Variants in IL4I1 observed in about 807,000 individuals in gnomAD.
The protein encoded by IL4I1 is L-amino-acid oxidase.
In IL4I1, 24 loss-of-function variants were observed where a neutral mutation model predicts 29.7. The observed-to-expected ratio is 0.81, with a 90% CI of 0.59 to 1.14. IL4I1 has a LOEUF of 1.14. Ranked by LOEUF, IL4I1 falls within the 50% of genes most tolerant of loss-of-function variation. The pLI, the probability that IL4I1 is intolerant of heterozygous loss-of-function variation, is 0.00. For missense variants in IL4I1, 686 were observed against 785.6 expected (o/e 0.87, Z 1.52); for synonymous variants, 371 against 352.5 (o/e 1.05, Z -0.59).
intron 2 of IL4I1, among the ~76,000 whole-genome samples, chr19:49,911,522 G>C (rs959213165): frequency 6.6e-6 from 1 of 152,138 alleles, no homozygotes; most frequent in Non-Finnish European, 1.5e-5. Flanking sequence ...CTTCCAGCTT[G>C]AGTAAGAGGC....
Position 49,889,844 on chromosome 19 carries a change from A to G in IL4I1, c.1530T>C (p.Pro510=). 1 of 1,586,042 alleles carries G rather than the reference A, an allele frequency of 6.3e-7. No homozygotes were observed. Among genetic ancestry groups the G allele is most frequent in the South Asian group, 1.1e-5 (1 of 87,966 alleles). Residue 510 remains proline (P), a synonymous_variant, in exon 8 of 8, where the codon CCT becomes CCC. Coordinates refer to ENST00000391826, the MANE Select transcript of IL4I1 (RefSeq NM_152899.2). The stretch of plus-strand genomic sequence containing the variant: ...CCTCGGGGCTGGCCGTGTCCGATGC[A>G]GGCCCCTTCCGGCTGTTGATCTTGA... ...AAIKINSRKG[P]ASDTASPEGH...
chr19:49,905,979 G>A (rs915943693), intron 2 of IL4I1, among the ~76,000 whole-genome samples: 10 of 152,104 alleles, frequency 6.6e-5, no homozygotes, highest in Admixed American at 2.6e-4. Context: ...CCCAAGTGTT[G>A]CCCACAGACT....
At chr19:49,891,208 A>C in intron 6 of IL4I1, 101 bp from the exon 7 acceptor site, 2 of 1,519,210 alleles carry the variant, frequency 1.3e-6, no homozygotes, top group South Asian at 2.5e-5. Flanking sequence ...ATGTCCTTGG[A>C]CCGTAGGATC....
intron 3 of IL4I1, among the ~76,000 whole-genome samples, chr19:49,902,379 A>C (rs1438239702): frequency 9.9e-6 from 1 of 100,932 alleles, no homozygotes; most frequent in African/African-American, 4.1e-5. Flanking sequence ...TTTTTTTTTG[A>C]GATGGAGTCT....
intron 2 of IL4I1, among the ~76,000 whole-genome samples, chr19:49,926,864 T>C (rs1171936570): frequency 6.6e-6 from 1 of 151,398 alleles, no homozygotes; most frequent in Non-Finnish European, 1.5e-5. Context: ...ACTTTTTTTT[T>C]TTTTTTTTTG....
intron 2 of IL4I1, 46 bp from the exon 3 acceptor site, chr19:49,896,099 G>A (rs1182491908): frequency 1.3e-6 from 2 of 1,588,518 alleles, no homozygotes; most frequent in Non-Finnish European, 1.7e-6. Context: ...CAGGTCGGGG[G>A]AGAGGGGTTC....
chr19:49,897,726 T>G (rs1251113421), upstream of IL4I1, among the ~76,000 whole-genome samples: 13 of 111,400 alleles, frequency 1.2e-4, no homozygotes, highest in African/African-American at 2.1e-4. Context: ...TGGGTGGGGG[T>G]GGAGAAACAA....
At chr19:49,908,645 C>T in intron 2 of IL4I1, 1 of 1,612,930 alleles carries the variant, frequency 6.2e-7, no homozygotes, top group East Asian at 2.2e-5. Flanking sequence ...CTGGTCCAGC[C>T]TCTTCTGGTC....
chr19:49,913,769 C>T (rs558530764), intron 2 of IL4I1, among the ~76,000 whole-genome samples: 12 of 152,264 alleles, frequency 7.9e-5, no homozygotes, highest in South Asian at 2.1e-4. Context: ...ATCACTGAGC[C>T]GCAGGGTGGT....
At chr19:49,924,752 G>T (rs1027568656) in intron 2 of IL4I1, among the ~76,000 whole-genome samples, 2 of 152,200 alleles carry the variant, frequency 1.3e-5, no homozygotes, top group African/African-American at 4.8e-5. Context: ...AGGCTGGGAG[G>T]GGCTGGAGAG....
At chr19:49,913,981 G>A (rs1343203122) in intron 2 of IL4I1, among the ~76,000 whole-genome samples, 6 of 152,158 alleles carry the variant, frequency 3.9e-5, no homozygotes, top group Non-Finnish European at 5.9e-5. Context: ...GGCCCGAACT[G>A]GAACTCAGAG....
intron 1 of IL4I1, 92 bp downstream of exon 1, chr19:49,896,743 T>C (rs1194130613): frequency 1.2e-6 from 1 of 840,430 alleles, no homozygotes; most frequent in African/African-American, 1.8e-5. Context: ...CTCTTTTCCC[T>C]CTTCCTCATC....
In IL4I1 at chr19:49,890,269, T is replaced by C. The variant is rs774511293; in HGVS notation, c.1105A>G (p.Ile369Val). 2 of 1,588,012 alleles carry C rather than the reference T, an allele frequency of 1.3e-6. No homozygotes were observed. Among genetic ancestry groups the C allele is most frequent in the Non-Finnish European group, 1.7e-6 (2 of 1,168,014 alleles). ...TCGGTGTTTGAGTGGCCGCCTTCAATGTGCTCCTCGCGCCAGAAGGGCCTG... is the reference window on the plus strand; with the variant it reads ...TCGGTGTTTGAGTGGCCGCCTTCAACGTGCTCCTCGCGCCAGAAGGGCCTG... ...FRRPFWREEH[I>V]EGGHSNTDRP... The change falls in exon 8 of 8, where the codon ATT (isoleucine) becomes GTT (valine). Residue 369 changes from isoleucine (I) to valine (V), a missense_variant. By Grantham distance (29) the Ile-to-Val change is conservative. Coordinates refer to ENST00000391826, the MANE Select transcript of IL4I1 (RefSeq NM_152899.2).
chr19:49,895,914 C>T lies in IL4I1; in HGVS notation c.153G>A (p.Trp51Ter), dbSNP rs868567325. ...DYEQLLKVVT[W>*]GLNRTLKPQR... ...GGGGCTTCAGGGTCCGATTGAGCCC[C>T]CAGGTCACCACCTTGAGCAGCTGCT... Residue 51 changes from tryptophan to a stop codon, truncating the protein, a stop_gained, in exon 3 of 8, where the codon TGG (tryptophan) becomes TGA (stop). Transcript: ENST00000391826. LOFTEE classifies it high-confidence loss of function. 1 of 1,614,226 alleles carries T rather than the reference C, an allele frequency of 6.2e-7. No individual in the cohort carries two copies. Among genetic ancestry groups the T allele is most frequent in the Non-Finnish European group, 8.5e-7 (1 of 1,180,044 alleles).
intron 5 of IL4I1, 94 bp from the exon 6 acceptor site, chr19:49,891,567 C>T: frequency 2.8e-6 from 3 of 1,083,350 alleles, no homozygotes; most frequent in Non-Finnish European, 4.3e-6. Flanking sequence ...CCTCGTGGTT[C>T]TGCCCACGGC....
chr19:49,923,839 G>A (rs2075820819), intron 2 of IL4I1, among the ~76,000 whole-genome samples: 1 of 152,224 alleles, frequency 6.6e-6, no homozygotes, highest in South Asian at 2.1e-4. Flanking sequence ...TGGCTCTAGG[G>A]CCCATGCTCT....
rs191407824 is a variant in IL4I1 at position 49,903,530 on chromosome 19, G to A, written c.-105+669C>T. On this transcript the variant is annotated intron_variant, in intron 3 of 9. Coordinates refer to the IL4I1 transcript ENST00000341114. ...TGTGCAAGAAGCAGACCTCGCTTCC[G>A]AGCGTGAGGGCTTTGCTCCCTGGGA... Among the ~76,000 whole-genome samples the A allele has an allele frequency of 1.9e-3, 282 of 152,320 alleles. 1 individual carries two copies. Among genetic ancestry groups the A allele is most frequent in the Non-Finnish European group, 2.8e-3 (190 of 68,018 alleles).
intron 2 of IL4I1, chr19:49,909,388 A>G (rs746565522): frequency 9.9e-6 from 16 of 1,613,752 alleles, no homozygotes; most frequent in Non-Finnish European, 1.4e-5. Context: ...GGCCAAACAC[A>G]AAGCCGGTGG....
chr19:49,908,860 A>T (rs2075383727), intron 2 of IL4I1: 1 of 1,611,904 alleles, frequency 6.2e-7, no homozygotes, highest in Non-Finnish European at 8.5e-7. Flanking sequence ...CAGCTGCGCC[A>T]GGGCCAGGTG....
Sources: gnomAD v4.1 joint callset for allele counts (sites outside exome capture counted in the v4.1 genomes callset) on GRCh38, gnomAD v4.1.1 for gene constraint, MANE v1.5 for transcripts, NCBI Gene and HGNC (gene_info 2026-07-23, HGNC 2026-07-21) for gene names.